Variants in PPP1R12A observed in about 807,000 individuals in gnomAD.
PPP1R12A encodes myosin binding subunit.
Under a neutral mutation model 139.6 loss-of-function variants are expected in PPP1R12A, and 19 were observed. The ratio of observed to expected loss-of-function variants is 0.14; its 90% CI spans 0.09 to 0.20. PPP1R12A has a LOEUF of 0.20. Among genes scored for constraint, PPP1R12A ranks in the 10% least tolerant of loss-of-function variants. The pLI is 1.00. For missense variants in PPP1R12A, 925 were observed against 1,211.5 expected, an observed-to-expected ratio of 0.76 and a Z score of 3.51; for synonymous variants, 427 against 420.6, an observed-to-expected ratio of 1.02 and a Z score of -0.19.
intron 8 of PPP1R12A, among the ~76,000 whole-genome samples, chr12:79,817,748 C>T (rs932395257): frequency 6.6e-6 from 1 of 151,942 alleles, no homozygotes; most frequent in Non-Finnish European, 1.5e-5. Flanking sequence ...AAGCTTCTGA[C>T]AATAAAATGC....
At chr12:79,874,647 A>G (rs1882927019) in intron 1 of PPP1R12A, among the ~76,000 whole-genome samples, 1 of 152,134 alleles carries the variant, frequency 6.6e-6, no homozygotes, top group Non-Finnish European at 1.5e-5. Context: ...ATTCTTAAGA[A>G]TATAAAGAAG....
At chr12:79,797,118 A>G in intron 16 of PPP1R12A, 77 bp downstream of exon 16, 1 of 1,383,748 alleles carries the variant, frequency 7.2e-7, no homozygotes, top group African/African-American at 1.5e-5. Flanking sequence ...TTGTTGGTAT[A>G]TAAATCTCTT....
intron 4 of PPP1R12A, among the ~76,000 whole-genome samples, chr12:79,831,426 T>C (rs1220756432): frequency 1.2e-4 from 19 of 152,030 alleles, no homozygotes; most frequent in Non-Finnish European, 2.5e-4. Flanking sequence ...CTACAAAAAA[T>C]ATGAAAATTA....
intron 12 of PPP1R12A, chr12:79,806,997 C>T (rs1175719497): frequency 6.5e-6 from 2 of 308,668 alleles, no homozygotes; most frequent in South Asian, 5.0e-5. Flanking sequence ...TGTAACAATC[C>T]AAAAAACATT....
chr12:79,832,430 C>T lies in PPP1R12A; in HGVS notation c.549G>A (p.Gln183=). The change falls in exon 4 of 25, where the codon CAG becomes CAA. Residue 183 remains glutamine (Q), a synonymous_variant. Coordinates refer to ENST00000450142, the MANE Select transcript of PPP1R12A (RefSeq NM_002480.3). The part of the protein sequence containing the change: ...EERIMLRDAR[Q]WLNSGHINDV... ...CATTTATATGACCACTATTTAGCCA[C>T]TGCCTGGCATCTCTAAGCATGATCC... 6.2e-7 allele frequency: 1 copy of T among 1,613,558 alleles called. No individual in the cohort carries two copies. The highest frequency in any genetic ancestry group is 1.1e-5 in the South Asian group (1 of 91,060).
intron 2 of PPP1R12A, among the ~76,000 whole-genome samples, chr12:79,869,244 C>A (rs1008162864): frequency 6.6e-6 from 1 of 152,166 alleles, no homozygotes; most frequent in Admixed American, 6.5e-5. Context: ...CGCTACAGAC[C>A]AAATGTAAAA....
chr12:79,810,319 C>T lies in PPP1R12A; in HGVS notation c.1240-309G>A, dbSNP rs1366155115. 4.6e-5 allele frequency among the ~76,000 whole-genome samples: 7 copies of T among 152,264 alleles called. No homozygotes were observed. The East Asian group carries it at 9.6e-4, about 21-fold the overall frequency. On this transcript the variant is annotated intron_variant, in intron 9 of 24. Coordinates refer to ENST00000450142, the MANE Select transcript of PPP1R12A (RefSeq NM_002480.3). ...CACACCATAAGGACTTAAAACCATG[C>T]ATCTTTGGAACCAATTTATATTAAA...
At chr12:79,813,884 T>C (rs1874913876) in intron 9 of PPP1R12A, among the ~76,000 whole-genome samples, 1 of 152,186 alleles carries the variant, frequency 6.6e-6, no homozygotes, top group Admixed American at 6.5e-5. Flanking sequence ...TGTCTTGCCA[T>C]GAACACAAGT....
intron 7 of PPP1R12A, 66 bp downstream of exon 7, chr12:79,821,012 C>T: frequency 6.3e-7 from 1 of 1,594,008 alleles, no homozygotes; most frequent in Non-Finnish European, 8.6e-7. Context: ...CCACAATAAT[C>T]ATGCCTGTGG....
chr12:79,918,024 T>C (rs1048054931), intron 1 of PPP1R12A, among the ~76,000 whole-genome samples: 2 of 152,166 alleles, frequency 1.3e-5, no homozygotes, highest in African/African-American at 4.8e-5. Flanking sequence ...CTCCTCCCCA[T>C]ACACCTCTGC....
At chr12:79,916,958 G>C (rs1417958732) in intron 1 of PPP1R12A, among the ~76,000 whole-genome samples, 1 of 150,434 alleles carries the variant, frequency 6.6e-6, no homozygotes, top group Non-Finnish European at 1.5e-5. Context: ...TTCAAAATCT[G>C]TATTTCCCTC....
chr12:79,845,750 G>A (rs1227625562), intron 2 of PPP1R12A, among the ~76,000 whole-genome samples: 1 of 151,946 alleles, frequency 6.6e-6, no homozygotes, highest in Non-Finnish European at 1.5e-5. Flanking sequence ...GCAGGAGAAT[G>A]GCAAGAACCC....
chr12:79,834,468 T>C (rs1435874477), intron 3 of PPP1R12A, among the ~76,000 whole-genome samples: 1 of 152,196 alleles, frequency 6.6e-6, no homozygotes, highest in Non-Finnish European at 1.5e-5. Context: ...CAAGCAATTA[T>C]GGTAACTTGA....
At position 79,857,550 on chromosome 12, in the gene PPP1R12A, AC is replaced by A. The variant is rs570766330; in HGVS notation, c.369-12131del. On this transcript the variant is annotated intron_variant, in intron 2 of 24. Coordinates refer to ENST00000450142, the MANE Select transcript of PPP1R12A (RefSeq NM_002480.3). The stretch of plus-strand genomic sequence containing the variant: ...ACTAACCTGCACATTGTGCACATGT[AC>A]CCTAGAACTTAAAGTATAATAATAA... Among the ~76,000 whole-genome samples, 752 of 152,144 alleles carry A rather than the reference AC, an allele frequency of 4.9e-3. 5 individuals carry two copies. The highest frequency in any genetic ancestry group is 0.017 in the African/African-American group (715 of 41,514).
intron 22 of PPP1R12A, 115 bp from the exon 23 acceptor site, chr12:79,781,977 G>T: frequency 1.9e-6 from 1 of 516,662 alleles, no homozygotes; most frequent in South Asian, 3.8e-5. Flanking sequence ...GTAAAACACA[G>T]GTTCGTGAGT....
rs1378097217 is a variant in PPP1R12A, at chr12:79,786,489, T to C, written c.2803-11A>G. 8.0e-6 allele frequency: 12 copies of C among 1,497,334 alleles called. No individual in the cohort carries two copies. Among genetic ancestry groups the C allele is most frequent in the Admixed American group, 4.6e-5 (2 of 43,206 alleles). 92.8% of individuals were successfully genotyped at this position (1,497,334 alleles called of 1,614,324 possible). On this transcript the variant is annotated splice_polypyrimidine_tract_variant and intron_variant, in intron 21 of 24. Coordinates refer to ENST00000450142, the MANE Select transcript of PPP1R12A (RefSeq NM_002480.3). ...AATTTGTTCATAAAGCTATAAAAAT[T>C]AGGGTAAAAGAACAAATTACTTTTC... is the stretch of plus-strand genomic sequence containing the variant.
At chr12:79,843,262 A>G (rs945124349) in intron 3 of PPP1R12A, among the ~76,000 whole-genome samples, 1 of 152,106 alleles carries the variant, frequency 6.6e-6, no homozygotes, top group Non-Finnish European at 1.5e-5. Flanking sequence ...TTCAATTTCA[A>G]AGAGTTGAGT....
chr12:79,800,418 C>A (rs760286624), intron 14 of PPP1R12A, among the ~76,000 whole-genome samples: 65 of 152,214 alleles, frequency 4.3e-4, no homozygotes, highest in Non-Finnish European at 8.1e-4. Context: ...TAATAACATT[C>A]TTTTCTCTAG....
At chr12:79,797,854 A>C (rs949137425) in intron 15 of PPP1R12A, among the ~76,000 whole-genome samples, 6 of 152,156 alleles carry the variant, frequency 3.9e-5, no homozygotes, top group Non-Finnish European at 8.8e-5. Context: ...AAAGTATATT[A>C]AGGCCCTAGC....
Sources: gnomAD v4.1 joint callset for allele counts (sites outside exome capture counted in the v4.1 genomes callset) on GRCh38, gnomAD v4.1.1 for gene constraint, MANE v1.5 for transcripts, NCBI Gene and HGNC (gene_info 2026-07-23, HGNC 2026-07-21) for gene names.